Variants in ECM2 observed in about 807,000 individuals in gnomAD.
ECM2 encodes extracellular matrix protein 2.
In ECM2, 57 loss-of-function variants were observed where a neutral mutation model predicts 67.5. The ratio of observed to expected loss-of-function variants is 0.84; its 90% CI spans 0.68 to 1.05. ECM2 has a LOEUF of 1.05. ECM2 is among the 50% of genes least tolerant of loss of function. The probability of loss-of-function intolerance (pLI) is 0.00; values close to 1 mark genes in which losing one functional copy is unlikely to be tolerated. For synonymous variants in ECM2, 258 were observed against 294.5 expected (o/e 0.88, Z 1.27); for missense variants, 741 against 822.8 (o/e 0.90, Z 1.22).
intron 2 of ECM2, among the ~76,000 whole-genome samples, chr9:92,520,836 A>T (rs1483647778): frequency 1.3e-5 from 2 of 152,234 alleles, no homozygotes; most frequent in African/African-American, 4.8e-5. Context: ...AAAACATTAT[A>T]CTAAGTAAAG....
the ECM2 span, among the ~76,000 whole-genome samples, chr9:92,548,669 T>C: frequency 2.0e-5 from 3 of 152,160 alleles, no homozygotes; most frequent in Admixed American, 2.0e-4. Context: ...TAGTTAAGAA[T>C]GAAGTAACAA....
chr9:92,510,208 TG>T (rs952505570), intron 5 of ECM2, among the ~76,000 whole-genome samples, 174 bp from the exon 6 acceptor site: 5 of 152,230 alleles, frequency 3.3e-5, no homozygotes, highest in Non-Finnish European at 5.9e-5. Context: ...ATATTGATCC[TG>T]GTAATAGCAT....
upstream of ECM2, among the ~76,000 whole-genome samples, chr9:92,540,343 C>T (rs2131307530): frequency 6.6e-6 from 1 of 150,570 alleles, no homozygotes; most frequent in South Asian, 2.1e-4. Context: ...GAGGCTGAGG[C>T]AGGAGAATCC....
Position 92,509,947 on chromosome 9 carries a change from TA to T in ECM2, c.1257del (p.Val421SerfsTer17), listed in dbSNP as rs1482097591. 1.2e-5 allele frequency: 20 copies of T among 1,609,534 alleles called. No homozygotes were observed. The highest frequency in any genetic ancestry group is 1.7e-5 in the Non-Finnish European group (20 of 1,179,148). On this transcript the variant is annotated frameshift_variant, in exon 6 of 10. Transcript: ENST00000344604. LOFTEE classifies it high-confidence loss of function. The part of the protein sequence containing the change: ...PSQLPSTLEE[L>X]KVNENNLQAI... Reference sequence around the variant, plus strand: ...GCCTGAAGATTGTTCTCATTGACTTTAAGTTCTTCTAATGTAGATGGCAATT... The same window carrying T: ...GCCTGAAGATTGTTCTCATTGACTTTAGTTCTTCTAATGTAGATGGCAATT...
In ECM2 at chr9:92,505,659, T is replaced by A. The variant is rs777186063; in HGVS notation, c.1338A>T (p.Glu446Asp). Residue 446 changes from glutamate to aspartate, a missense_variant, in exon 7 of 10, where the codon GAA (glutamate) becomes GAT (aspartate). Transcript: ENST00000344604. ...CATTGGCTTCACTGAGATTGTTTCC[T>A]TCCAATTCTAAGGTGACCAACTGAT... ...DLNQLVTLEL[E>D]GNNLSEANVN... The A allele has an allele frequency of 6.2e-7, 1 of 1,605,252 alleles. No homozygotes were observed. The highest frequency in any genetic ancestry group is 8.5e-7 in the Non-Finnish European group (1 of 1,177,632).
chr9:92,532,098 C>T (rs1384149418), intron 1 of ECM2, among the ~76,000 whole-genome samples: 2 of 138,552 alleles, frequency 1.4e-5, no homozygotes, highest in Admixed American at 7.3e-5. Flanking sequence ...TAGGCTAAAG[C>T]GATCCACCTG....
intron 7 of ECM2, among the ~76,000 whole-genome samples, chr9:92,504,509 G>A (rs1846876891): frequency 6.6e-6 from 1 of 152,068 alleles, no homozygotes; most frequent in Admixed American, 6.5e-5. Flanking sequence ...AGACTCTCTG[G>A]ACCTCAGTGT....
Position 92,514,931 on chromosome 9 carries a change from G to T in ECM2, c.754C>A (p.Gln252Lys). 1 of 1,613,932 alleles carries T rather than the reference G, an allele frequency of 6.2e-7. No homozygotes were observed. The highest frequency in any genetic ancestry group is 1.1e-5 in the South Asian group (1 of 91,060). ...EGDSRGGDRK[Q>K]RPGEERRLAH... is the part of the protein sequence containing the mutation. ...AGCCTCCTCTCCTCTCCAGGCCTCT[G>T]CTTTCTGTCTCCTCCTCTGCTGTCC... Residue 252 changes from glutamine to lysine, a missense_variant, in exon 4 of 10, where the codon CAG (glutamine) becomes AAG (lysine). Physicochemically the swap from Gln to Lys is moderately conservative, Grantham distance 53. Transcript: ENST00000344604.
the ECM2 span, among the ~76,000 whole-genome samples, chr9:92,553,273 C>T: frequency 6.6e-6 from 1 of 152,222 alleles, no homozygotes; most frequent in Admixed American, 6.5e-5. Context: ...GGTCTATATG[C>T]CTATTTTTAT....
the ECM2 span, among the ~76,000 whole-genome samples, chr9:92,555,779 T>C: frequency 2.0e-5 from 3 of 152,216 alleles, no homozygotes; most frequent in African/African-American, 7.2e-5. Context: ...ATTTTCTCTC[T>C]TCTTTTCATC....
chr9:92,549,844 T>C, the ECM2 span, among the ~76,000 whole-genome samples: 1 of 152,156 alleles, frequency 6.6e-6, no homozygotes, highest in Non-Finnish European at 1.5e-5. Context: ...TCTTACTCCC[T>C]GAGCAAAGTT....
intron 9 of ECM2, among the ~76,000 whole-genome samples, chr9:92,497,470 C>A (rs1564354251): frequency 6.6e-6 from 1 of 151,788 alleles, no homozygotes; most frequent in African/African-American, 2.4e-5. Context: ...ACTGAAAATA[C>A]AAAATTAGCT....
In ECM2 at chr9:92,522,232, A is replaced by C. The variant is rs1426961249; in HGVS notation, c.292+343T>G. ...CTCCCGAGTAGCTGGGATTACAGGT[A>C]CATGCCACCACACCCGGCTAATTTT... is the stretch of plus-strand genomic sequence containing the variant. On this transcript the variant is annotated intron_variant, in intron 2 of 9. Coordinates refer to ENST00000344604, the MANE Select transcript of ECM2 (RefSeq NM_001393.4). 2.0e-5 allele frequency among the ~76,000 whole-genome samples: 3 copies of C among 151,844 alleles called. No individual in the cohort carries two copies. The East Asian group carries it at 5.8e-4, about 29-fold the overall frequency.
chr9:92,496,517 T>G, intron 9 of ECM2, 34 bp from the exon 10 acceptor site: 1 of 1,590,632 alleles, frequency 6.3e-7, no homozygotes. Context: ...TCACACATGG[T>G]CCCAGTAATA....
chr9:92,537,486 C>T (rs1311630814), upstream of ECM2, among the ~76,000 whole-genome samples: 1 of 151,884 alleles, frequency 6.6e-6, no homozygotes, highest in Non-Finnish European at 1.5e-5. Flanking sequence ...CATGTGAAAC[C>T]CCGTCTCTAC....
chr9:92,515,761 TATAGAG>T (rs1847662762), intron 3 of ECM2, among the ~76,000 whole-genome samples: 1 of 152,336 alleles, frequency 6.6e-6, no homozygotes, highest in East Asian at 1.9e-4. Context: ...AATTCAGAAT[TATAGAG>T]AGAGAGTTTT....
intron 1 of ECM2, among the ~76,000 whole-genome samples, chr9:92,528,704 C>T (rs971847966): frequency 6.6e-6 from 1 of 152,108 alleles, no homozygotes; most frequent in Non-Finnish European, 1.5e-5. Context: ...AATAATTAGC[C>T]CTAGGCTAAA....
At chr9:92,527,381 G>C (rs1340405874) in intron 1 of ECM2, among the ~76,000 whole-genome samples, 1 of 152,194 alleles carries the variant, frequency 6.6e-6, no homozygotes, top group Non-Finnish European at 1.5e-5. Context: ...GTCATGGGCT[G>C]TACAGGTTTG....
intron 2 of ECM2, among the ~76,000 whole-genome samples, chr9:92,522,065 GTTGTTTTGTTTTGTT>G (rs538087449): frequency 6.6e-6 from 1 of 151,888 alleles, no homozygotes; most frequent in East Asian, 1.9e-4. Context: ...TTTTTTGGGG[GTTGTTTTGTTTTGTT>G]TTGTTTTGTT....
Sources: gnomAD v4.1 joint callset for allele counts (sites outside exome capture counted in the v4.1 genomes callset) on GRCh38, gnomAD v4.1.1 for gene constraint, MANE v1.5 for transcripts, NCBI Gene and HGNC (gene_info 2026-07-23, HGNC 2026-07-21) for gene names.